CSNK1G3: variants seen among roughly 807,000 people sequenced by gnomAD.
CSNK1G3 encodes the protein casein kinase 1 gamma 3.
Under a neutral mutation model 64.3 loss-of-function variants are expected in CSNK1G3, and 23 were observed. The ratio of observed to expected loss-of-function variants is 0.36; its 90% confidence interval spans 0.26 to 0.51. The LOEUF is 0.51. Among genes scored for constraint, CSNK1G3 ranks in the 20% least tolerant of loss-of-function variants. CSNK1G3 has a pLI of 0.96. For missense variants in CSNK1G3, 357 were observed against 510.5 expected (o/e 0.70, Z 2.90); for synonymous variants, 158 against 162.2 (o/e 0.97, Z 0.20).
At chr5:123,555,351 G>GT (rs893706700) in intron 3 of CSNK1G3, among the ~76,000 whole-genome samples, 7 of 151,986 alleles carry the variant, frequency 4.6e-5, no homozygotes, top group Non-Finnish European at 7.4e-5. Flanking sequence ...TTCCTTATAT[G>GT]TTTTTTCATT....
At chr5:123,545,697 G>C in exon 2 of CSNK1G3, 2 of 1,613,304 alleles carry the variant, frequency 1.2e-6, no homozygotes, top group Non-Finnish European at 1.7e-6. Flanking sequence ...GGACAAATCA[G>C]ATGATAGAAT....
chr5:123,512,423 G>GCTCC (rs1295514664), exon 1 of CSNK1G3: 1 of 151,948 alleles, frequency 6.6e-6, no homozygotes, highest in Non-Finnish European at 1.5e-5. Context: ...TCGCTCGCTC[G>GCTCC]CTCGCTCGCT....
intron 1 of CSNK1G3, among the ~76,000 whole-genome samples, chr5:123,544,944 A>G (rs1782272527): frequency 6.9e-6 from 1 of 145,072 alleles, no homozygotes; most frequent in South Asian, 2.2e-4. Flanking sequence ...AATAAATGAA[A>G]ATCATATGAT....
At chr5:123,606,229 A>G (rs999941087) in intron 12 of CSNK1G3, among the ~76,000 whole-genome samples, 7 of 151,886 alleles carry the variant, frequency 4.6e-5, no homozygotes, top group Admixed American at 1.3e-4. Flanking sequence ...ACATAAGATT[A>G]AGACTAGTGT....
At chr5:123,584,242 C>T (rs988307968) in intron 6 of CSNK1G3, among the ~76,000 whole-genome samples, 3 of 152,016 alleles carry the variant, frequency 2.0e-5, no homozygotes, top group Non-Finnish European at 2.9e-5. Flanking sequence ...CATCTTTGTT[C>T]GTTCTTGATC....
At chr5:123,566,923 A>G (rs541114389) in intron 4 of CSNK1G3, among the ~76,000 whole-genome samples, 29 of 151,954 alleles carry the variant, frequency 1.9e-4, no homozygotes, top group Non-Finnish European at 3.5e-4. Context: ...TATCTTTTCT[A>G]TTCGTATGTA....
chr5:123,614,348 C>T (rs138175859), exon 13 of CSNK1G3: 39 of 1,613,096 alleles, frequency 2.4e-5, no homozygotes, highest in Non-Finnish European at 3.1e-5. Flanking sequence ...GCAGGTGCTG[C>T]TGTTTTTTCA....
intron 6 of CSNK1G3, among the ~76,000 whole-genome samples, chr5:123,581,015 G>A (rs1028200748): frequency 2.6e-5 from 4 of 151,852 alleles, no homozygotes; most frequent in African/African-American, 9.7e-5. Flanking sequence ...TCATTCTGTG[G>A]TGTGATTCAT....
chr5:123,569,151 A>G (rs960447421), intron 4 of CSNK1G3, among the ~76,000 whole-genome samples: 2 of 152,220 alleles, frequency 1.3e-5, no homozygotes, highest in African/African-American at 4.8e-5. Flanking sequence ...ATGCATACTT[A>G]TGCTTGCTTT....
chr5:123,569,811 T>C (rs1787715373), intron 4 of CSNK1G3, among the ~76,000 whole-genome samples: 1 of 152,236 alleles, frequency 6.6e-6, no homozygotes, highest in African/African-American at 2.4e-5. Context: ...GTTCTCTTGC[T>C]CTCAGTCATT....
At chr5:123,522,429 G>T (rs1262480281) in intron 1 of CSNK1G3, among the ~76,000 whole-genome samples, 1 of 151,914 alleles carries the variant, frequency 6.6e-6, no homozygotes, top group Admixed American at 6.6e-5. Flanking sequence ...CTTGAACCTG[G>T]GAGGTAAAGG....
At chr5:123,545,086 T>G (rs1481465757) in intron 1 of CSNK1G3, among the ~76,000 whole-genome samples, 1 of 152,184 alleles carries the variant, frequency 6.6e-6, no homozygotes, top group Admixed American at 6.5e-5. Flanking sequence ...GTTGACTTAC[T>G]GGAATTTTTT....
At chr5:123,520,612 G>C (rs1459853063) in intron 1 of CSNK1G3, among the ~76,000 whole-genome samples, 1 of 151,578 alleles carries the variant, frequency 6.6e-6, no homozygotes, top group Non-Finnish European at 1.5e-5. Flanking sequence ...ATACTTTGCA[G>C]ATTTCTTTAT....
At chr5:123,581,974 A>G (rs1790392881) in intron 6 of CSNK1G3, among the ~76,000 whole-genome samples, 1 of 151,992 alleles carries the variant, frequency 6.6e-6, no homozygotes, top group South Asian at 2.1e-4. Flanking sequence ...TTGCTTAGCC[A>G]ACATGTCTTT....
intron 1 of CSNK1G3, among the ~76,000 whole-genome samples, chr5:123,526,715 G>A (rs1347833567): frequency 6.6e-6 from 1 of 152,098 alleles, no homozygotes; most frequent in Non-Finnish European, 1.5e-5. Flanking sequence ...ATGCATTTGA[G>A]AATCATCTAT....
chr5:123,573,732 T>A (rs1788562866), intron 5 of CSNK1G3, among the ~76,000 whole-genome samples, 191 bp downstream of exon 5: 1 of 152,232 alleles, frequency 6.6e-6, no homozygotes, highest in Admixed American at 6.5e-5. Flanking sequence ...ATATTTTATT[T>A]GTATAAAAAC....
intron 1 of CSNK1G3, among the ~76,000 whole-genome samples, chr5:123,514,102 A>G (rs1776721024): frequency 6.6e-6 from 1 of 152,238 alleles, no homozygotes; most frequent in Non-Finnish European, 1.5e-5. Flanking sequence ...GAATGTACAG[A>G]CACTTCTGCT....
At chr5:123,591,901 G>C (rs200401684) in intron 10 of CSNK1G3, among the ~76,000 whole-genome samples, 1 of 152,084 alleles carries the variant, frequency 6.6e-6, no homozygotes, top group African/African-American at 2.4e-5. Flanking sequence ...GATATGGCTT[G>C]ACCCTGGGCA....
intron 1 of CSNK1G3, among the ~76,000 whole-genome samples, chr5:123,515,738 A>G (rs755391155): frequency 2.6e-5 from 4 of 152,090 alleles, no homozygotes; most frequent in Non-Finnish European, 4.4e-5. Flanking sequence ...TTCCCCTCTT[A>G]GCTTCCCTAA....
Sources: gnomAD v4.1 joint callset for allele counts (sites outside exome capture counted in the v4.1 genomes callset) on GRCh38, gnomAD v4.1.1 for gene constraint, MANE v1.5 for transcripts, NCBI Gene and HGNC (gene_info 2026-07-23, HGNC 2026-07-21) for gene names.